EFCAB6: variants seen among roughly 807,000 people sequenced by gnomAD.
EFCAB6 encodes EF-hand calcium binding domain 6.
A neutral mutation model predicts 169.8 loss-of-function variants in EFCAB6; 156 were observed. The observed-to-expected ratio is 0.92, with a 90% confidence interval of 0.81 to 1.05. The LOEUF (loss-of-function observed/expected upper bound fraction) is 1.05, where lower values mean the gene tolerates loss of function less well. Among genes scored for constraint, EFCAB6 ranks in the 50% least tolerant of loss-of-function variants. The probability of loss-of-function intolerance (pLI) is 0.00; values close to 1 mark genes in which losing one functional copy is unlikely to be tolerated. For missense variants in EFCAB6, 1,800 were observed against 1,829.1 expected, an observed-to-expected ratio of 0.98 and a Z score of 0.29; for synonymous variants, 698 against 676.4, an observed-to-expected ratio of 1.03 and a Z score of -0.50.
At position 43,572,920 on chromosome 22, in the gene EFCAB6, C is replaced by T. The variant is rs897278398; in HGVS notation, c.3420+3377G>A. 6.6e-6 allele frequency among the ~76,000 whole-genome samples: 1 copy of T among 152,236 alleles called. No individual in the cohort carries two copies. Among genetic ancestry groups the T allele is most frequent in the African/African-American group, 2.4e-5 (1 of 41,454 alleles). On this transcript the variant is annotated intron_variant, in intron 26 of 31. Coordinates refer to ENST00000262726, the MANE Select transcript of EFCAB6 (RefSeq NM_022785.4). This position sits in a 1 kb window ranked among gnomAD's most constrained non-coding sequence, Gnocchi z 4.0. Reference sequence around the variant, plus strand: ...TGTCATGAGAGAGTGAATGAACCCACACGATGGAATGGCACATGCTAGATG... The same window carrying T: ...TGTCATGAGAGAGTGAATGAACCCATACGATGGAATGGCACATGCTAGATG...
At chr22:43,755,491 C>A (rs573529627) in intron 6 of EFCAB6, among the ~76,000 whole-genome samples, 1 of 152,370 alleles carries the variant, frequency 6.6e-6, no homozygotes, top group East Asian at 1.9e-4. Context: ...GGCAGCCCTA[C>A]TAATAATGAT....
At position 43,547,092 on chromosome 22, in the gene EFCAB6, A is replaced by G. The variant is rs546727869; in HGVS notation, c.3649-6735T>C. On this transcript the variant is annotated intron_variant, in intron 27 of 31. Transcript: ENST00000262726. The stretch of plus-strand genomic sequence containing the variant: ...ACCAAATAAATGACCACTGTATAAA[A>G]CAGTCTAATGATTAATTTGTGGAGA... Among the ~76,000 whole-genome samples, 4 of 152,296 alleles carry G rather than the reference A, an allele frequency of 2.6e-5. No homozygotes were observed. In the East Asian group the frequency reaches 7.7e-4, roughly 29 times the overall value.
At chr22:43,649,946 C>A (rs1016361220) in intron 17 of EFCAB6, among the ~76,000 whole-genome samples, 5 of 152,130 alleles carry the variant, frequency 3.3e-5, no homozygotes, top group African/African-American at 1.2e-4. Context: ...AAAGGAGAGA[C>A]CCAAATGACT....
At chr22:43,768,522 G>C (rs984676658) in intron 4 of EFCAB6, among the ~76,000 whole-genome samples, 2 of 152,218 alleles carry the variant, frequency 1.3e-5, no homozygotes, top group African/African-American at 4.8e-5. Context: ...TGTGGATAGA[G>C]AAGGGAAGCC....
At chr22:43,586,755 G>T (rs571557875) in intron 24 of EFCAB6, among the ~76,000 whole-genome samples, 1 of 152,272 alleles carries the variant, frequency 6.6e-6, no homozygotes, top group Admixed American at 6.5e-5. Flanking sequence ...CAAAAGTCCA[G>T]CAGCGTCAGC....
intron 2 of EFCAB6, among the ~76,000 whole-genome samples, chr22:43,801,484 C>G (rs1449724045): frequency 6.6e-6 from 1 of 152,080 alleles, no homozygotes; most frequent in South Asian, 2.1e-4. Context: ...TAGCATGAAG[C>G]CCAAAAGAGA....
intron 10 of EFCAB6, among the ~76,000 whole-genome samples, chr22:43,703,129 A>C (rs139652877): frequency 2.6e-5 from 4 of 152,308 alleles, no homozygotes; most frequent in Admixed American, 6.5e-5. Context: ...CTGAAATAGC[A>C]GTACCACATG....
intron 8 of EFCAB6, among the ~76,000 whole-genome samples, chr22:43,720,365 A>T (rs2147476712): frequency 7.0e-6 from 1 of 142,160 alleles, no homozygotes; most frequent in East Asian, 2.1e-4. Context: ...AAAAAAAAAT[A>T]GCCGGGCACA....
Position 43,795,208 on chromosome 22 carries a change from G to T in EFCAB6, c.-7-12883C>A, listed in dbSNP as rs2062459354. On this transcript the variant is annotated intron_variant, in intron 2 of 31. Coordinates refer to ENST00000262726, the MANE Select transcript of EFCAB6 (RefSeq NM_022785.4). This position sits in a 1 kb window ranked among gnomAD's most constrained non-coding sequence, Gnocchi z 4.2. ...GCTATAACTGGTAACTAGAAAATAT[G>T]TAGAAATATCAGAACACGTTTAGGA... is the stretch of plus-strand genomic sequence containing the variant. 6.6e-6 allele frequency among the ~76,000 whole-genome samples: 1 copy of T among 152,178 alleles called. No individual in the cohort carries two copies. The highest frequency in any genetic ancestry group is 1.5e-5 in the Non-Finnish European group (1 of 68,036).
chr22:43,772,824 C>T (rs2061517908), intron 4 of EFCAB6, 68 bp downstream of exon 4: 4 of 1,548,940 alleles, frequency 2.6e-6, no homozygotes, highest in Non-Finnish European at 3.5e-6. Flanking sequence ...GGAGAGGTTA[C>T]CTGCTCCCCT....
intron 2 of EFCAB6, among the ~76,000 whole-genome samples, chr22:43,784,409 G>A (rs148498505): frequency 6.7e-6 from 1 of 149,864 alleles, no homozygotes. Context: ...TCAGTGCTTT[G>A]AGAGGCTGAG....
intron 26 of EFCAB6, among the ~76,000 whole-genome samples, chr22:43,556,954 G>A (rs192356966): frequency 1.5e-4 from 23 of 152,328 alleles, no homozygotes; most frequent in African/African-American, 5.3e-4. Context: ...ACACGAGCAT[G>A]TCCCTAAGGG....
rs1372610173 is a variant in EFCAB6 at position 43,765,343 on chromosome 22, C to T, written c.402G>A (p.Arg134=). 10 of 1,612,640 alleles carry T rather than the reference C, an allele frequency of 6.2e-6. No homozygotes were observed. Among genetic ancestry groups the T allele is most frequent in the Admixed American group, 1.7e-5 (1 of 59,956 alleles). The change falls in exon 5 of 32, where the codon AGG becomes AGA. Residue 134 remains arginine, a synonymous_variant. Transcript: ENST00000262726. ...GTVPYLAFLS[R]FGGIDLYING... ...TTATATATAGGTCAATTCCACCAAA[C>T]CTGGACAGAAAGGCAAGGTACGGTA...
rs1017124452 is a variant in EFCAB6 at position 43,666,973 on chromosome 22, A to T, written c.1983+131T>A. On this transcript the variant is annotated intron_variant, in intron 17 of 31. Transcript: ENST00000262726. ...TTTGGCCAAAAAAAAAAATCCTTTT[A>T]AATTGTTGAAAGATGCCTAGAAATG... is the stretch of plus-strand genomic sequence containing the variant. The T allele has an allele frequency of 4.2e-6, 5 of 1,187,584 alleles. No homozygotes were observed. In the African/African-American group the frequency reaches 4.6e-5, roughly 11 times the overall value. 73.6% of individuals were successfully genotyped at this position (1,187,584 alleles called of 1,614,324 possible).
At chr22:43,581,288 T>A (rs966568154) in intron 24 of EFCAB6, among the ~76,000 whole-genome samples, 1 of 152,332 alleles carries the variant, frequency 6.6e-6, no homozygotes, top group African/African-American at 2.4e-5. Context: ...CATTAAATTC[T>A]CTTTCAGGAG....
At chr22:43,549,613 T>G (rs1169898322) in intron 27 of EFCAB6, among the ~76,000 whole-genome samples, 1 of 152,120 alleles carries the variant, frequency 6.6e-6, no homozygotes, top group Non-Finnish European at 1.5e-5. Flanking sequence ...GTTCAATAAA[T>G]GGACAGCTCC....
chr22:43,562,968 C>T (rs966209972), intron 26 of EFCAB6, among the ~76,000 whole-genome samples: 5 of 152,108 alleles, frequency 3.3e-5, no homozygotes, highest in South Asian at 2.1e-4. Flanking sequence ...AGGCACAGCA[C>T]GGCCGCCTGC....
rs551852371 is a variant in EFCAB6, at chr22:43,576,514, A to AT, written c.3229-27dup. On this transcript the variant is annotated intron_variant, in intron 25 of 31. Coordinates refer to ENST00000262726, the MANE Select transcript of EFCAB6 (RefSeq NM_022785.4). ...CTAAAAAGAAAGAAAAGAAAAAAAGATGGCAAATCCTGTCAAATGAATACT... is the reference window on the plus strand; with the variant it reads ...CTAAAAAGAAAGAAAAGAAAAAAAGATTGGCAAATCCTGTCAAATGAATACT... 721 of 1,504,962 alleles carry AT rather than the reference A, an allele frequency of 4.8e-4. 4 individuals are homozygous for AT. The highest frequency in any genetic ancestry group is 3.4e-5 in the Non-Finnish European group (39 of 1,134,652). 93.2% of individuals were successfully genotyped at this position (1,504,962 alleles called of 1,614,324 possible).
rs1183871973 is a variant in EFCAB6 at position 43,773,005 on chromosome 22, G to C, written c.238C>G (p.Gln80Glu). 1.2e-6 allele frequency: 2 copies of C among 1,614,208 alleles called. No individual in the cohort carries two copies. The highest frequency in any genetic ancestry group is 1.7e-6 in the Non-Finnish European group (2 of 1,180,036). ...DRGDELQKAF[Q>E]LLDTGQNLTV... ...AAGTTCTGACCAGTATCCAGCAGCT[G>C]AAAGGCTTTTTGCAACTCATCCCCT... Residue 80 changes from glutamine (Q) to glutamate (E), a missense_variant, in exon 4 of 32, where the codon CAG becomes GAG. By Grantham distance (29) the Gln-to-Glu change is conservative (BLOSUM62 2). Coordinates refer to ENST00000262726, the MANE Select transcript of EFCAB6 (RefSeq NM_022785.4).
Sources: allele counts gnomAD v4.1 joint callset (sites outside exome capture counted in the v4.1 genomes callset), GRCh38; gene constraint gnomAD v4.1.1; non-coding constraint Gnocchi (gnomAD v3.1); transcripts MANE v1.5; gene names NCBI Gene and HGNC (gene_info 2026-07-23, HGNC 2026-07-21).